The following IDO2 variants were observed in gnomAD, a reference collection of about 807,000 sequenced individuals.
The protein encoded by IDO2 is indoleamine 2,3-dioxygenase 2, also known as indoleamine 2,3-dioxygenase-like 1 protein.
IDO2 carries 46 observed loss-of-function variants against 45.1 expected under a neutral mutation model. That is an observed-to-expected ratio of 1.02 (90% CI 0.80 to 1.30). The LOEUF is 1.30. Ranked by LOEUF, IDO2 falls within the 50% of genes most tolerant of loss-of-function variation. The pLI, the probability that IDO2 is intolerant of heterozygous loss-of-function variation, is 0.00. For missense variants in IDO2, 544 were observed against 491.8 expected (o/e 1.11, Z -1.00); for synonymous variants, 218 against 184.9 (o/e 1.18, Z -1.45).
chr8:39,962,684 A>G (rs1808017747), intron 2 of IDO2, among the ~76,000 whole-genome samples: 4 of 152,272 alleles, frequency 2.6e-5, no homozygotes, highest in Middle Eastern at 3.4e-3. Context: ...CCACCTCACA[A>G]TGGAGCACCA....
At chr8:40,001,720 C>T (rs1266425238) in intron 8 of IDO2, among the ~76,000 whole-genome samples, 5 of 152,072 alleles carry the variant, frequency 3.3e-5, no homozygotes, top group Non-Finnish European at 7.4e-5. Context: ...ACCTGTAAAT[C>T]ATTTGTGAAA....
intron 2 of IDO2, among the ~76,000 whole-genome samples, chr8:39,954,906 C>G (rs1807867837): frequency 6.6e-6 from 1 of 151,566 alleles, no homozygotes; most frequent in African/African-American, 2.4e-5. Flanking sequence ...ATCCGCGCAC[C>G]TCGGCCTCTC....
intron 9 of IDO2, among the ~76,000 whole-genome samples, chr8:40,012,164 G>A (rs1028567621): frequency 2.6e-5 from 4 of 152,136 alleles, no homozygotes; most frequent in South Asian, 2.1e-4. Context: ...TATGGTGTGT[G>A]TGTATGTCCC....
chr8:40,009,278 G>C (rs929792852), intron 9 of IDO2, among the ~76,000 whole-genome samples: 1 of 152,142 alleles, frequency 6.6e-6, no homozygotes, highest in South Asian at 2.1e-4. Context: ...GTCCCCCAAA[G>C]TGCTGGGATT....
At chr8:39,952,520 C>G (rs146355598) in intron 2 of IDO2, among the ~76,000 whole-genome samples, 79 of 152,340 alleles carry the variant, frequency 5.2e-4, no homozygotes, top group African/African-American at 1.9e-3. Context: ...TTCTATCCCA[C>G]TGTTTCTGTC....
At chr8:40,015,781 A>G (rs1802379164) in exon 11 of IDO2, 2 of 593,542 alleles carry the variant, frequency 3.4e-6, no homozygotes, top group African/African-American at 3.7e-5. Context: ...AGGAGAGTTG[A>G]TGTGGCCAAG....
At chr8:39,963,268 G>A (rs1808026445) in intron 2 of IDO2, among the ~76,000 whole-genome samples, 1 of 152,202 alleles carries the variant, frequency 6.6e-6, no homozygotes, top group African/African-American at 2.4e-5. Flanking sequence ...ATATTTTTAT[G>A]AATATTTCAC....
At chr8:39,985,752 A>C in intron 6 of IDO2, 2 of 521,436 alleles carry the variant, frequency 3.8e-6, no homozygotes, top group East Asian at 6.4e-5. Flanking sequence ...TGTATTTTCC[A>C]GTCTGTACAT....
Position 39,998,999 on chromosome 8 carries a change from C to T in IDO2, c.668-6328C>T, listed in dbSNP as rs151122510. Among the ~76,000 whole-genome samples the T allele has an allele frequency of 1.5e-3, 232 of 152,182 alleles. 1 individual carries two copies. The highest frequency in any genetic ancestry group is 4.2e-3 in the African/African-American group (176 of 41,508). On this transcript the variant is annotated intron_variant, in intron 8 of 10. Coordinates refer to ENST00000502986, the Ensembl canonical transcript of IDO2. ...TTCTTTAGAAATTCCTTCAGTACATCCTTTAAGACTTCCTCTAGTGAGTGT... is the reference window on the plus strand; with the variant it reads ...TTCTTTAGAAATTCCTTCAGTACATTCTTTAAGACTTCCTCTAGTGAGTGT...
intron 1 of IDO2, among the ~76,000 whole-genome samples, chr8:39,941,563 G>A (rs1807643268): frequency 6.6e-6 from 1 of 152,116 alleles, no homozygotes; most frequent in South Asian, 2.1e-4. Context: ...AGACCCACAA[G>A]TAACATGGGT....
chr8:39,959,944 A>G (rs922398346), intron 2 of IDO2, among the ~76,000 whole-genome samples: 1 of 152,172 alleles, frequency 6.6e-6, no homozygotes, highest in African/African-American at 2.4e-5. Context: ...GCACCACTGC[A>G]CTTTAGACTG....
chr8:39,998,709 C>T (rs573941747), intron 8 of IDO2, among the ~76,000 whole-genome samples: 8 of 142,414 alleles, frequency 5.6e-5, no homozygotes, highest in Admixed American at 7.4e-5. Flanking sequence ...GCTATGATCT[C>T]GGCTCACTAC....
rs530794701 is a variant in IDO2, at chr8:39,974,530, C to A, written c.196-4537C>A. Among the ~76,000 whole-genome samples the A allele has an allele frequency of 3.7e-3, 559 of 152,318 alleles. 5 individuals are homozygous for A. The highest frequency in any genetic ancestry group is 0.016 in the South Asian group (79 of 4,824). Reference sequence around the variant, plus strand: ...CGGCACGGTGGCTCACGCCTGTAATCCCAGCACTTTGGGAGGCCGAGGTGG... The same window carrying A: ...CGGCACGGTGGCTCACGCCTGTAATACCAGCACTTTGGGAGGCCGAGGTGG... On this transcript the variant is annotated intron_variant, in intron 3 of 10. Transcript: ENST00000502986.
At chr8:39,960,118 CTA>C (rs10584286) in intron 2 of IDO2, among the ~76,000 whole-genome samples, 1,893 of 152,252 alleles carry the variant, frequency 0.012, 45 homozygotes, top group African/African-American at 0.043. Context: ...ATGTATAGGT[CTA>C]TACTACTCCA....
At chr8:39,964,953 C>A (rs1033126713) in intron 3 of IDO2, among the ~76,000 whole-genome samples, 3 of 152,156 alleles carry the variant, frequency 2.0e-5, no homozygotes, top group Non-Finnish European at 4.4e-5. Context: ...CTCAGAATAG[C>A]AGAGAAGAGA....
intron 1 of IDO2, among the ~76,000 whole-genome samples, chr8:39,937,825 CAT>C (rs1158461293): frequency 6.6e-6 from 1 of 152,088 alleles, no homozygotes; most frequent in Non-Finnish European, 1.5e-5. Flanking sequence ...CATCTCAAAA[CAT>C]GTGTATTTTA....
At chr8:39,980,017 T>TG (rs1330078631) in intron 4 of IDO2, among the ~76,000 whole-genome samples, 3 of 152,150 alleles carry the variant, frequency 2.0e-5, no homozygotes, top group Non-Finnish European at 4.4e-5. Context: ...GAGATGAGGG[T>TG]CTTGCTGTTT....
chr8:39,987,788 C>G (rs544171726), intron 6 of IDO2, 83 bp from the exon 7 acceptor site: 2 of 778,714 alleles, frequency 2.6e-6, no homozygotes, highest in East Asian at 5.3e-5. Context: ...CTGCAGTTAT[C>G]TAACTCGGCA....
intron 3 of IDO2, among the ~76,000 whole-genome samples, chr8:39,970,284 G>A (rs1334972909): frequency 6.6e-6 from 1 of 152,246 alleles, no homozygotes; most frequent in African/African-American, 2.4e-5. Flanking sequence ...ACATAAAAGT[G>A]CAAGGTGAAG....
Sources: allele counts gnomAD v4.1 joint callset (sites outside exome capture counted in the v4.1 genomes callset), GRCh38; gene constraint gnomAD v4.1.1; transcripts MANE v1.5; gene names NCBI Gene and HGNC (gene_info 2026-07-23, HGNC 2026-07-21).